GALNT16: variants seen among roughly 807,000 people sequenced by gnomAD.
The protein encoded by GALNT16 is polypeptide N-acetylgalactosaminyltransferase 16.
Under a neutral mutation model 76.1 loss-of-function variants are expected in GALNT16, and 40 were observed. The observed-to-expected ratio is 0.53, with a 90% CI of 0.41 to 0.68. The LOEUF (loss-of-function observed/expected upper bound fraction) is 0.68, where lower values mean the gene tolerates loss of function less well. GALNT16 is among the 30% of genes least tolerant of loss of function. GALNT16 has a pLI of 0.00. For missense variants in GALNT16, 621 were observed against 731.9 expected, an observed-to-expected ratio of 0.85 and a Z score of 1.75; for synonymous variants, 276 against 285.2, an observed-to-expected ratio of 0.97 and a Z score of 0.32.
intron 2 of GALNT16, among the ~76,000 whole-genome samples, chr14:69,323,243 A>T (rs1201855234): frequency 6.6e-6 from 1 of 152,194 alleles, no homozygotes; most frequent in Non-Finnish European, 1.5e-5. Flanking sequence ...AGAAAACCCC[A>T]TCAGCTCCAA....
chr14:69,327,855 C>T (rs963059402), intron 5 of GALNT16, among the ~76,000 whole-genome samples: 1 of 152,312 alleles, frequency 6.6e-6, no homozygotes, highest in Admixed American at 6.5e-5. Context: ...CACAGAAGAA[C>T]AGAACCTGAC....
At chr14:69,330,335 A>G (rs1022705919) in intron 6 of GALNT16, among the ~76,000 whole-genome samples, 1 of 152,252 alleles carries the variant, frequency 6.6e-6, no homozygotes, top group African/African-American at 2.4e-5. Flanking sequence ...GCCATACATT[A>G]TATGATTCCT....
At chr14:69,343,097 GA>G (rs1463410627) in intron 12 of GALNT16, among the ~76,000 whole-genome samples, 1 of 152,150 alleles carries the variant, frequency 6.6e-6, no homozygotes, top group Non-Finnish European at 1.5e-5. Flanking sequence ...ATTTTTAATG[GA>G]ACAAGTTGCA....
intron 4 of GALNT16, 141 bp downstream of exon 4, chr14:69,325,545 G>A (rs2045270555): frequency 1.5e-6 from 1 of 677,348 alleles, no homozygotes. Context: ...TCTTTTCTAG[G>A]ACCCCTCCCT....
At chr14:69,314,936 G>C (rs563195682) in intron 1 of GALNT16, among the ~76,000 whole-genome samples, 1 of 152,306 alleles carries the variant, frequency 6.6e-6, no homozygotes, top group East Asian at 1.9e-4. Context: ...TTTACTGGCA[G>C]TAAAAGAAAA....
chr14:69,278,008 CTT>C (rs535285438), intron 1 of GALNT16, among the ~76,000 whole-genome samples: 51 of 140,406 alleles, frequency 3.6e-4, no homozygotes, highest in Non-Finnish European at 3.3e-4. Context: ...GAAATACCAT[CTT>C]TTTTTTTTTT....
intron 5 of GALNT16, among the ~76,000 whole-genome samples, chr14:69,328,107 GAA>G (rs35040986): frequency 6.6e-6 from 1 of 152,116 alleles, no homozygotes; most frequent in Non-Finnish European, 1.5e-5. Context: ...GTTCCCATGG[GAA>G]AAAGTTTTGT....
At chr14:69,303,701 G>T (rs2044887065) in intron 1 of GALNT16, among the ~76,000 whole-genome samples, 1 of 152,102 alleles carries the variant, frequency 6.6e-6, no homozygotes, top group Admixed American at 6.6e-5. Flanking sequence ...TACCCTTCCT[G>T]TCAAGGTCCG....
At chr14:69,381,793 A>G in the GALNT16 span, among the ~76,000 whole-genome samples, 7 of 152,220 alleles carry the variant, frequency 4.6e-5, no homozygotes, top group East Asian at 1.2e-3. Flanking sequence ...GGTTCACATG[A>G]TTCTCCTGCC....
chr14:69,330,332 A>G (rs2045337359), intron 6 of GALNT16, among the ~76,000 whole-genome samples: 1 of 152,250 alleles, frequency 6.6e-6, no homozygotes, highest in South Asian at 2.1e-4. Context: ...AAAGCCATAC[A>G]TTATATGATT....
At chr14:69,346,961 A>G (rs11625928) in intron 12 of GALNT16, 79 bp from the exon 13 acceptor site, 201,154 of 1,566,056 alleles carry the variant, frequency 0.13, 14,742 homozygotes, top group East Asian at 0.27. Context: ...CAGAGCTGAT[A>G]GGATGCTGAC....
At chr14:69,354,495 TC>T (rs371831354), downstream of GALNT16, 7 of 152,918 alleles carry the variant, frequency 4.6e-5, no homozygotes, top group African/African-American at 1.7e-4. Flanking sequence ...CCTTTCTGCC[TC>T]CAGGCCTAGC....
At chr14:69,269,841 G>A (rs2044385768) in intron 1 of GALNT16, among the ~76,000 whole-genome samples, 1 of 151,338 alleles carries the variant, frequency 6.6e-6, no homozygotes, top group African/African-American at 2.4e-5. Flanking sequence ...GTATGTGTCG[G>A]GGGTGTAGTG....
At chr14:69,370,135 G>A in the GALNT16 span, among the ~76,000 whole-genome samples, 15 of 152,142 alleles carry the variant, frequency 9.9e-5, no homozygotes, top group Admixed American at 7.9e-4. Context: ...TACATCCCTG[G>A]GCGAGCTCAT....
At chr14:69,297,443 AC>A (rs1485145947) in intron 1 of GALNT16, among the ~76,000 whole-genome samples, 1 of 152,154 alleles carries the variant, frequency 6.6e-6, no homozygotes, top group African/African-American at 2.4e-5. Flanking sequence ...ATTCTTATAC[AC>A]CTTGACTCAT....
At chr14:69,332,966 G>C in intron 7 of GALNT16, 119 bp from the exon 8 acceptor site, 2 of 755,438 alleles carry the variant, frequency 2.6e-6, no homozygotes, top group Non-Finnish European at 4.8e-6. Context: ...ATGAAGGAGG[G>C]ACTGCACGAA....
chr14:69,260,138 C>CA, upstream of GALNT16: 2 of 132,214 alleles, frequency 1.5e-5, no homozygotes, highest in Non-Finnish European at 3.2e-5. Flanking sequence ...TCCCTATCAC[C>CA]CCCCCGCCCC....
chr14:69,351,953 G>A (rs1407950296), intron 14 of GALNT16, 78 bp from the exon 15 acceptor site: 1 of 1,378,622 alleles, frequency 7.3e-7, no homozygotes. Context: ...GTGCATACAT[G>A]TGGAATGAAA....
At chr14:69,303,470 G>A (rs781595961) in intron 1 of GALNT16, among the ~76,000 whole-genome samples, 4 of 152,158 alleles carry the variant, frequency 2.6e-5, no homozygotes, top group Non-Finnish European at 4.4e-5. Context: ...GTAGCAGTAA[G>A]CTGTACACTA....
Sources: gnomAD v4.1 joint callset for allele counts (sites outside exome capture counted in the v4.1 genomes callset) on GRCh38, gnomAD v4.1.1 for gene constraint, MANE v1.5 for transcripts, NCBI Gene and HGNC (gene_info 2026-07-23, HGNC 2026-07-21) for gene names.